FRMD4A: variants seen among roughly 807,000 people sequenced by gnomAD.
The protein encoded by FRMD4A is FERM domain-containing protein 4A.
A neutral mutation model predicts 129.1 loss-of-function variants in FRMD4A; 29 were observed. The ratio of observed to expected loss-of-function variants is 0.22; its 90% CI spans 0.17 to 0.31. The LOEUF (loss-of-function observed/expected upper bound fraction) is 0.31. FRMD4A is among the 10% of genes least tolerant of loss of function. The pLI is 1.00. For missense variants in FRMD4A, 1,272 were observed against 1,375.8 expected, an observed-to-expected ratio of 0.92 and a Z score of 1.19; for synonymous variants, 634 against 571.6, an observed-to-expected ratio of 1.11 and a Z score of -1.56.
chr10:14,274,913 G>A (rs1168122228), intron 2 of FRMD4A, among the ~76,000 whole-genome samples: 2 of 152,150 alleles, frequency 1.3e-5, no homozygotes, highest in East Asian at 1.9e-4. Context: ...TTTGGCATCT[G>A]AATTCTGAAT....
At chr10:14,072,420 T>G (rs1034467937) in intron 2 of FRMD4A, among the ~76,000 whole-genome samples, 1 of 152,232 alleles carries the variant, frequency 6.6e-6, no homozygotes, top group Non-Finnish European at 1.5e-5. Flanking sequence ...GTCCTTCTAC[T>G]TTATAAACAT....
intron 3 of FRMD4A, among the ~76,000 whole-genome samples, chr10:13,811,563 C>A (rs1160168994): frequency 8.4e-6 from 1 of 119,384 alleles, no homozygotes. Context: ...CAGAGTGAGA[C>A]TCTGCCTCAA....
chr10:13,650,524 T>C (rs74121353), intron 24 of FRMD4A, among the ~76,000 whole-genome samples: 7,342 of 152,224 alleles, frequency 0.048, 498 homozygotes, highest in African/African-American at 0.15. Context: ...GTCAGCCCTA[T>C]CTCCATCACC....
chr10:13,773,532 G>A (rs1005110682), intron 6 of FRMD4A, among the ~76,000 whole-genome samples: 1 of 152,166 alleles, frequency 6.6e-6, no homozygotes, highest in Non-Finnish European at 1.5e-5. Flanking sequence ...TCTCTCTGAA[G>A]GTTTGCATGT....
intron 2 of FRMD4A, among the ~76,000 whole-genome samples, chr10:13,971,015 G>A (rs557669306): frequency 1.5e-4 from 23 of 152,218 alleles, no homozygotes; most frequent in African/African-American, 4.8e-4. Flanking sequence ...TTCCCGCCTT[G>A]CCTCCTGTCC....
intron 19 of FRMD4A, among the ~76,000 whole-genome samples, chr10:13,661,305 G>A (rs1377684195): frequency 6.6e-6 from 1 of 152,306 alleles, no homozygotes; most frequent in Non-Finnish European, 1.5e-5. Flanking sequence ...AGTCTAGGAG[G>A]TGCTGTGGGA....
intron 2 of FRMD4A, among the ~76,000 whole-genome samples, chr10:14,161,320 A>G: frequency 6.6e-6 from 1 of 152,208 alleles, no homozygotes; most frequent in East Asian, 1.9e-4. Context: ...ACTATCGGGT[A>G]TTTATCCAAA....
intron 2 of FRMD4A, among the ~76,000 whole-genome samples, chr10:13,980,969 T>C (rs2095558480): frequency 6.6e-6 from 1 of 152,222 alleles, no homozygotes; most frequent in Non-Finnish European, 1.5e-5. Flanking sequence ...CTTTGATATA[T>C]GCAAAATCAG....
At chr10:14,236,284 T>A (rs982541717) in intron 2 of FRMD4A, among the ~76,000 whole-genome samples, 3 of 152,144 alleles carry the variant, frequency 2.0e-5, no homozygotes, top group African/African-American at 7.2e-5. Context: ...GCATGAAGCG[T>A]GGATGAAGAG....
At chr10:14,300,134 C>T (rs1846137250) in intron 2 of FRMD4A, among the ~76,000 whole-genome samples, 1 of 151,968 alleles carries the variant, frequency 6.6e-6, no homozygotes, top group Non-Finnish European at 1.5e-5. Flanking sequence ...TCTGTTTTCC[C>T]TCTTTCCAAG....
chr10:13,852,455 C>T (rs1160644804), intron 3 of FRMD4A, among the ~76,000 whole-genome samples: 1 of 152,118 alleles, frequency 6.6e-6, no homozygotes, highest in Non-Finnish European at 1.5e-5. Context: ...GATCTCCTGA[C>T]CTCATGATCT....
At chr10:13,931,899 C>T (rs1013792081) in intron 2 of FRMD4A, among the ~76,000 whole-genome samples, 2 of 151,832 alleles carry the variant, frequency 1.3e-5, no homozygotes, top group Middle Eastern at 3.2e-3. Flanking sequence ...CAATAAGCCA[C>T]GATTGTGCCA....
intron 2 of FRMD4A, among the ~76,000 whole-genome samples, chr10:13,994,745 C>A (rs2095616497): frequency 6.6e-6 from 1 of 152,174 alleles, no homozygotes; most frequent in Non-Finnish European, 1.5e-5. Context: ...ACAACGCATA[C>A]ATACATTTTC....
chr10:13,763,321 A>T (rs980792045), intron 6 of FRMD4A, among the ~76,000 whole-genome samples: 2 of 152,240 alleles, frequency 1.3e-5, no homozygotes, highest in Non-Finnish European at 2.9e-5. Flanking sequence ...CTTTCTTTCT[A>T]TAAAGAAAGG....
chr10:14,213,618 G>T (rs780158825), intron 2 of FRMD4A, among the ~76,000 whole-genome samples: 2 of 152,222 alleles, frequency 1.3e-5, no homozygotes, highest in Non-Finnish European at 2.9e-5. Context: ...CAGAATAGGA[G>T]AGCCAGAGGG....
intron 7 of FRMD4A, among the ~76,000 whole-genome samples, chr10:13,762,410 G>A (rs938302116): frequency 6.6e-6 from 1 of 151,984 alleles, no homozygotes; most frequent in Non-Finnish European, 1.5e-5. Context: ...GCTTTACAGG[G>A]ATTTTCTGTC....
chr10:14,168,195 TG>T (rs955074837), intron 2 of FRMD4A, among the ~76,000 whole-genome samples: 2 of 152,130 alleles, frequency 1.3e-5, no homozygotes, highest in Non-Finnish European at 2.9e-5. Flanking sequence ...TCCCAGGCAG[TG>T]GTGTGCTGGT....
At chr10:13,730,328 T>C (rs1161485445) in intron 12 of FRMD4A, among the ~76,000 whole-genome samples, 3 of 152,194 alleles carry the variant, frequency 2.0e-5, no homozygotes, top group African/African-American at 7.2e-5. Context: ...CCTCAACAGA[T>C]AGCATTTAAT....
chr10:14,285,601 G>C (rs567999725), intron 2 of FRMD4A, among the ~76,000 whole-genome samples: 8 of 152,218 alleles, frequency 5.3e-5, no homozygotes, highest in Non-Finnish European at 1.0e-4. Flanking sequence ...GAGACTATAA[G>C]TGATTGAGTC....
Sources: gnomAD v4.1 joint callset for allele counts (sites outside exome capture counted in the v4.1 genomes callset) on GRCh38, gnomAD v4.1.1 for gene constraint, MANE v1.5 for transcripts, NCBI Gene and HGNC (gene_info 2026-07-23, HGNC 2026-07-21) for gene names.